BMPER: variants seen among roughly 807,000 people sequenced by gnomAD.
BMPER encodes BMP binding endothelial regulator, also known as BMP-binding endothelial regulator protein.
Under a neutral mutation model 87.3 loss-of-function variants are expected in BMPER, and 45 were observed. That is an observed-to-expected ratio of 0.52 (90% confidence interval 0.41 to 0.66). The LOEUF is 0.66. Ranked by LOEUF, BMPER falls within the 30% of genes least tolerant of loss-of-function variation. The pLI, the probability that BMPER is intolerant of heterozygous loss-of-function variation, is 0.00. For missense variants in BMPER, 784 were observed against 867.5 expected (o/e 0.90, Z 1.21); for synonymous variants, 326 against 316.2 (o/e 1.03, Z -0.33).
intron 6 of BMPER, among the ~76,000 whole-genome samples, chr7:34,003,612 T>A (rs775436277): frequency 6.6e-5 from 10 of 152,088 alleles, no homozygotes; most frequent in South Asian, 6.2e-4. Flanking sequence ...AGGGCATATC[T>A]GCTAGTAATG....
chr7:33,974,400 C>A (rs1227222749), intron 5 of BMPER, among the ~76,000 whole-genome samples: 1 of 152,136 alleles, frequency 6.6e-6, no homozygotes, highest in Non-Finnish European at 1.5e-5. Context: ...TGGCAGTGGG[C>A]AGCATGATCA....
intron 13 of BMPER, among the ~76,000 whole-genome samples, chr7:34,119,590 A>G (rs1002584976): frequency 1.6e-4 from 25 of 152,314 alleles, no homozygotes; most frequent in Admixed American, 1.2e-3. Context: ...ACAACCAGTA[A>G]TGAGATTACT....
chr7:34,052,272 TA>T (rs2127960613), intron 8 of BMPER, among the ~76,000 whole-genome samples: 1 of 152,344 alleles, frequency 6.6e-6, no homozygotes, highest in Admixed American at 6.5e-5. Context: ...CCTCTGGCTC[TA>T]ATTATCCAAG....
At chr7:34,122,146 A>G (rs1012016472) in intron 13 of BMPER, among the ~76,000 whole-genome samples, 5 of 152,036 alleles carry the variant, frequency 3.3e-5, no homozygotes, top group African/African-American at 1.2e-4. Context: ...GTTCTAGACT[A>G]CTGCCTCTCA....
chr7:34,081,456 G>A (rs552618273), intron 12 of BMPER, among the ~76,000 whole-genome samples: 1 of 152,368 alleles, frequency 6.6e-6, no homozygotes, highest in Non-Finnish European at 1.5e-5. Flanking sequence ...CCGCACTTAC[G>A]ATGGGATTAT....
intron 4 of BMPER, among the ~76,000 whole-genome samples, chr7:33,969,600 T>G (rs937945327): frequency 6.6e-6 from 1 of 152,112 alleles, no homozygotes; most frequent in African/African-American, 2.4e-5. Context: ...GGGGTTTCAC[T>G]GTGTTAGCCA....
chr7:34,090,909 A>AAAGT, intron 13 of BMPER, among the ~76,000 whole-genome samples: 1 of 152,304 alleles, frequency 6.6e-6, no homozygotes, highest in African/African-American at 2.4e-5. Flanking sequence ...TCAGTTTGGG[A>AAAGT]AAGTGTCTGG....
intron 2 of BMPER, among the ~76,000 whole-genome samples, chr7:33,911,797 ATAGAG>A (rs1424525163): frequency 6.6e-6 from 1 of 152,212 alleles, no homozygotes; most frequent in Non-Finnish European, 1.5e-5. Context: ...GGGGCTTGGC[ATAGAG>A]TAAACACTCT....
rs930564947 is a variant in BMPER, at chr7:33,995,195, T to G, written c.576+20411T>G. On this transcript the variant is annotated intron_variant, in intron 6 of 14. Coordinates refer to ENST00000649409, the MANE Select transcript of BMPER (RefSeq NM_001365308.1). ...GTGGCCATGGTACAGCTTATTGTAT[T>G]AAAAAACTAAAAAGACTCTTACATA... is the stretch of plus-strand genomic sequence containing the variant. 3.3e-5 allele frequency among the ~76,000 whole-genome samples: 5 copies of G among 152,086 alleles called. No individual in the cohort carries two copies. The East Asian group carries it at 9.7e-4, about 29-fold the overall frequency.
At chr7:34,139,663 G>A (rs946996662) in intron 13 of BMPER, among the ~76,000 whole-genome samples, 4 of 152,102 alleles carry the variant, frequency 2.6e-5, no homozygotes, top group African/African-American at 9.7e-5. Context: ...AGTTATTCTT[G>A]TTTTCATTGT....
intron 13 of BMPER, among the ~76,000 whole-genome samples, chr7:34,097,409 G>A (rs1789557054): frequency 6.6e-6 from 1 of 152,186 alleles, no homozygotes; most frequent in Admixed American, 6.5e-5. Context: ...CATGGAGGGG[G>A]CACGCTGCAG....
chr7:33,924,512 T>C (rs2128605523), intron 2 of BMPER, among the ~76,000 whole-genome samples: 1 of 152,320 alleles, frequency 6.6e-6, no homozygotes, highest in South Asian at 2.1e-4. Flanking sequence ...TGCTCCTCCT[T>C]ACTCCTACGG....
intron 3 of BMPER, among the ~76,000 whole-genome samples, chr7:33,949,046 G>A (rs1784957564): frequency 6.6e-6 from 1 of 152,198 alleles, no homozygotes; most frequent in Admixed American, 6.5e-5. Flanking sequence ...TTGAAAGAAA[G>A]TATGTAGGCA....
intron 6 of BMPER, among the ~76,000 whole-genome samples, chr7:34,012,209 C>T (rs531100667): frequency 6.6e-6 from 1 of 151,920 alleles, no homozygotes; most frequent in Non-Finnish European, 1.5e-5. Context: ...CTAGATGACT[C>T]TCATTTCAGT....
chr7:33,974,543 T>G (rs1252497831), intron 5 of BMPER, among the ~76,000 whole-genome samples, 159 bp from the exon 6 acceptor site: 1 of 152,144 alleles, frequency 6.6e-6, no homozygotes, highest in Non-Finnish European at 1.5e-5. Flanking sequence ...CGTTTGCCTC[T>G]GTTTTTTTCT....
rs116201531 is a variant in BMPER, at chr7:34,101,189, A to C, written c.1745+15097A>C. 3.2e-3 allele frequency among the ~76,000 whole-genome samples: 492 copies of C among 152,296 alleles called. 1 individual carries two copies. The highest frequency in any genetic ancestry group is 0.011 in the African/African-American group (468 of 41,554). ...GCTTGGGATCACATTGACACTTTTA[A>C]TTATCTATATTTTAATAGAAGCATC... On this transcript the variant is annotated intron_variant, in intron 13 of 14. Coordinates refer to ENST00000649409, the MANE Select transcript of BMPER (RefSeq NM_001365308.1).
rs369602140 is a variant in BMPER, at chr7:33,915,422, C to T, written c.219+8519C>T. 1.5e-4 allele frequency among the ~76,000 whole-genome samples: 23 copies of T among 152,278 alleles called. No homozygotes were observed. In the South Asian group the frequency reaches 4.8e-3, roughly 32 times the overall value. On this transcript the variant is annotated intron_variant, in intron 2 of 14. Transcript: ENST00000649409. ...TTTAATGTCTTAAATTCTAGGTCTT[C>T]AGGTAAGATATTTTCTTTTCTCATG... is the stretch of plus-strand genomic sequence containing the variant.
chr7:34,079,854 C>G (rs1441037658), intron 12 of BMPER, among the ~76,000 whole-genome samples: 1 of 152,128 alleles, frequency 6.6e-6, no homozygotes, highest in Non-Finnish European at 1.5e-5. Context: ...ACTCCAAGAG[C>G]ACATATATTC....
rs1784639194 is a variant in BMPER at position 33,937,623 on chromosome 7, T to C, written c.319+235T>C. 23 of 534,118 alleles carry C rather than the reference T, an allele frequency of 4.3e-5. 1 individual carries two copies. The highest frequency in any genetic ancestry group is 4.1e-4 in the South Asian group (20 of 49,248). The allele number at this position is 534,118 out of a possible 1,614,324, so 33.1% of individuals were successfully genotyped here. A position where few individuals can be genotyped will look rare whatever the true frequency, so the allele number is the denominator to read the frequency against. ...GAGGGATGAAAGTATGTGAGCATCT[T>C]CATATTTGGTTTGTTTTCTAAGGCA... On this transcript the variant is annotated intron_variant, in intron 3 of 14. Coordinates refer to ENST00000649409, the MANE Select transcript of BMPER (RefSeq NM_001365308.1).
Sources: gnomAD v4.1 joint callset for allele counts (sites outside exome capture counted in the v4.1 genomes callset) on GRCh38, gnomAD v4.1.1 for gene constraint, MANE v1.5 for transcripts, NCBI Gene and HGNC (gene_info 2026-07-23, HGNC 2026-07-21) for gene names.